NSD1: variants seen among roughly 807,000 people sequenced by gnomAD.
NSD1 encodes nuclear receptor binding SET domain protein 1.
A neutral mutation model predicts 242.7 loss-of-function variants in NSD1; 26 were observed. The ratio of observed to expected loss-of-function variants is 0.11; its 90% CI spans 0.08 to 0.15. The LOEUF is 0.15. Ranked by LOEUF, NSD1 falls within the 10% of genes least tolerant of loss-of-function variation. The pLI is 1.00. For missense variants in NSD1, 2,495 were observed against 3,272.8 expected (o/e 0.76, Z 5.80); for synonymous variants, 1,106 against 1,178.1 (o/e 0.94, Z 1.25).
intron 2 of NSD1, among the ~76,000 whole-genome samples, chr5:177,152,914 G>C (rs1371349448): frequency 1.3e-5 from 2 of 151,640 alleles, no homozygotes; most frequent in African/African-American, 4.8e-5. Flanking sequence ...TCAAACTCCT[G>C]GCCTCAAGTG....
rs1361959957 is a variant in NSD1, at chr5:177,211,726, T to C, written c.3327T>C (p.His1109=). The C allele has an allele frequency of 1.9e-6, 3 of 1,613,992 alleles. No homozygotes were observed. The highest frequency in any genetic ancestry group is 4.5e-5 in the East Asian group (2 of 44,890). ...ATGGTGACCATTTTTCTGATGTGCA[T>C]TTCGATAGCAAGGTTAAGCAATCTG... ...SEDGDHFSDV[H]FDSKVKQSDP... Residue 1109 remains histidine, a synonymous_variant, in exon 5 of 23, where the codon CAT becomes CAC. Transcript: ENST00000439151.
At position 177,246,692 on chromosome 5, in the gene NSD1, T is replaced by C. The variant is rs1766323250; in HGVS notation, c.4393T>C (p.Phe1465Leu). Reference protein sequence around the residue: ...KDFGGGTTKIFDKPRKRKRQR... With the variant: ...KDFGGGTTKILDKPRKRKRQR... ...TCCTGTCATAGGCACTACCAAGATA[T>C]TTGACAAGCCAAGGAAGCGAAAACG... is the stretch of plus-strand genomic sequence containing the variant. The change falls in exon 10 of 23, where the codon TTT (phenylalanine) becomes CTT (leucine). Residue 1465 changes from phenylalanine (F) to leucine (L), a missense_variant. Transcript: ENST00000439151. The C allele has an allele frequency of 1.9e-6, 3 of 1,613,950 alleles. No individual in the cohort carries two copies. Among genetic ancestry groups the C allele is most frequent in the Non-Finnish European group, 2.5e-6 (3 of 1,179,830 alleles).
At chr5:177,261,550 C>T (rs933271804) in intron 14 of NSD1, among the ~76,000 whole-genome samples, 7 of 151,952 alleles carry the variant, frequency 4.6e-5, no homozygotes, top group Non-Finnish European at 7.4e-5. Flanking sequence ...GTTCTGAATT[C>T]GTTATTTCAG....
intron 21 of NSD1, among the ~76,000 whole-genome samples, chr5:177,290,071 G>T (rs1434599822): frequency 6.6e-6 from 1 of 151,274 alleles, no homozygotes; most frequent in African/African-American, 2.4e-5. Context: ...CTCGTGATCC[G>T]CCCGCCTTAG....
chr5:177,231,839 G>A (rs1355256698), intron 5 of NSD1, among the ~76,000 whole-genome samples: 1 of 151,878 alleles, frequency 6.6e-6, no homozygotes, highest in Non-Finnish European at 1.5e-5. Context: ...CCTGCCTTTT[G>A]CATACATGAC....
At chr5:177,185,950 GTTATATAT>G (rs1373990763) in intron 2 of NSD1, among the ~76,000 whole-genome samples, 3 of 72,450 alleles carry the variant, frequency 4.1e-5, no homozygotes, top group Non-Finnish European at 2.4e-5. Flanking sequence ...ATATAATATA[GTTATATAT>G]TTATATATAA....
At chr5:177,155,103 G>A (rs1758021131) in intron 2 of NSD1, among the ~76,000 whole-genome samples, 2 of 151,616 alleles carry the variant, frequency 1.3e-5, no homozygotes, top group African/African-American at 4.8e-5. Context: ...TGATTCTCCT[G>A]CCTCAGCCTC....
intron 3 of NSD1, among the ~76,000 whole-genome samples, chr5:177,198,093 T>C (rs1762240235): frequency 6.6e-6 from 1 of 152,148 alleles, no homozygotes; most frequent in African/African-American, 2.4e-5. Flanking sequence ...CACTGCAACT[T>C]CCATCTCCCA....
intron 3 of NSD1, among the ~76,000 whole-genome samples, chr5:177,200,288 T>A (rs1383197480): frequency 6.6e-6 from 1 of 151,962 alleles, no homozygotes; most frequent in South Asian, 2.1e-4. Flanking sequence ...TTTGTATTTT[T>A]AGTAGAGACA....
chr5:177,181,592 A>G (rs1562165196), intron 2 of NSD1, among the ~76,000 whole-genome samples: 1 of 151,520 alleles, frequency 6.6e-6, no homozygotes. Context: ...TGCCTGGCTA[A>G]TTTTTTGTAG....
chr5:177,278,716 AC>A (rs1758597808), intron 17 of NSD1, among the ~76,000 whole-genome samples: 1 of 152,224 alleles, frequency 6.6e-6, no homozygotes, highest in Non-Finnish European at 1.5e-5. Context: ...TCTTATTCTT[AC>A]AATAGTCTTG....
chr5:177,248,121 G>T, intron 10 of NSD1, 60 bp from the exon 11 acceptor site: 1 of 1,604,590 alleles, frequency 6.2e-7, no homozygotes, highest in South Asian at 1.1e-5. Flanking sequence ...CCAGAGGGAG[G>T]GGGTCAAATG....
chr5:177,159,203 C>T (rs761425566), intron 2 of NSD1, among the ~76,000 whole-genome samples: 44 of 150,490 alleles, frequency 2.9e-4, no homozygotes, highest in Non-Finnish European at 5.2e-4. Context: ...CCACCATGCC[C>T]GGATTTTTTG....
chr5:177,144,858 A>G (rs1349506159), intron 2 of NSD1, among the ~76,000 whole-genome samples: 2 of 151,998 alleles, frequency 1.3e-5, no homozygotes, highest in Admixed American at 1.3e-4. Flanking sequence ...GAGGGGGTGG[A>G]TTATCTGAGG....
At chr5:177,161,322 A>T (rs1332118791) in intron 2 of NSD1, among the ~76,000 whole-genome samples, 1 of 151,822 alleles carries the variant, frequency 6.6e-6, no homozygotes, top group East Asian at 1.9e-4. Context: ...TCCAGGCTGC[A>T]GTGAGCTCTG....
chr5:177,142,410 C>G (rs1351658354), intron 2 of NSD1, among the ~76,000 whole-genome samples: 1 of 152,138 alleles, frequency 6.6e-6, no homozygotes, highest in Non-Finnish European at 1.5e-5. Flanking sequence ...ACTAAGTGGT[C>G]TGGTAGGTGT....
chr5:177,264,629 G>A (rs1757269772), intron 14 of NSD1: 1 of 396,390 alleles, frequency 2.5e-6, no homozygotes, highest in Non-Finnish European at 4.7e-6. Flanking sequence ...GTTGAAGTAG[G>A]AGTCTGATCT....
chr5:177,195,532 A>T (rs1762041912), intron 3 of NSD1, among the ~76,000 whole-genome samples: 1 of 151,978 alleles, frequency 6.6e-6, no homozygotes, highest in South Asian at 2.1e-4. Flanking sequence ...CAGTGGCGTG[A>T]TCATGACTCA....
In NSD1 at chr5:177,251,363, G is replaced by A. The variant is rs573138915; in HGVS notation, c.4642-367G>A. ...TCCCAAAAGGGCTGTTTAGACCTTG[G>A]TGGGAGCTCTTTTGGAACTTTATGA... On this transcript the variant is annotated intron_variant, in intron 11 of 22. Transcript: ENST00000439151. 1.2e-4 allele frequency among the ~76,000 whole-genome samples: 18 copies of A among 152,264 alleles called. No individual in the cohort carries two copies. In the South Asian group the frequency reaches 3.5e-3, roughly 30 times the overall value.
Sources: allele counts gnomAD v4.1 joint callset (sites outside exome capture counted in the v4.1 genomes callset), GRCh38; gene constraint gnomAD v4.1.1; transcripts MANE v1.5; gene names NCBI Gene and HGNC (gene_info 2026-07-23, HGNC 2026-07-21).